The following GPHN variants were observed in gnomAD, a reference collection of about 807,000 sequenced individuals.
The protein encoded by GPHN is gephyrin.
In GPHN, 17 loss-of-function variants were observed where a neutral mutation model predicts 95.5. The observed-to-expected ratio is 0.18, with a 90% CI of 0.12 to 0.27. The LOEUF is 0.27. Among genes scored for constraint, GPHN ranks in the 10% least tolerant of loss-of-function variants. The pLI, the probability that GPHN is intolerant of heterozygous loss-of-function variation, is 1.00. For missense variants in GPHN, 660 were observed against 978.1 expected (o/e 0.67, Z 4.34); for synonymous variants, 320 against 322.5 (o/e 0.99, Z 0.08).
intron 1 of GPHN, among the ~76,000 whole-genome samples, chr14:66,605,933 C>A (rs1336584836): frequency 6.6e-6 from 1 of 152,128 alleles, no homozygotes; most frequent in Non-Finnish European, 1.5e-5. Flanking sequence ...TGAATATTTT[C>A]TCCCATTCTC....
At position 66,763,668 on chromosome 14, in the gene GPHN, T is replaced by C. The variant is rs571399504; in HGVS notation, c.144-12796T>C. ...TTGGACATTTTATATAATATTCATATTGTATTAGGTATCATGAGTAATCTA... is the reference window on the plus strand; with the variant it reads ...TTGGACATTTTATATAATATTCATACTGTATTAGGTATCATGAGTAATCTA... On this transcript the variant is annotated intron_variant, in intron 2 of 22. Coordinates refer to ENST00000478722, the MANE Select transcript of GPHN (RefSeq NM_020806.5). Among the ~76,000 whole-genome samples, 4 of 152,140 alleles carry C rather than the reference T, an allele frequency of 2.6e-5. No homozygotes were observed. In the South Asian group the frequency reaches 8.3e-4, roughly 32 times the overall value.
At chr14:66,897,563 G>C (rs532172896) in intron 5 of GPHN, among the ~76,000 whole-genome samples, 53 of 152,128 alleles carry the variant, frequency 3.5e-4, no homozygotes, top group Admixed American at 1.2e-3. Context: ...TTTCAAGAAT[G>C]AATATAATTA....
chr14:67,678,154 C>T, the GPHN span: 20 of 559,512 alleles, frequency 3.6e-5, no homozygotes, highest in African/African-American at 5.7e-5. Context: ...GACATTTAGA[C>T]GAATCTGGCA....
intron 2 of GPHN, among the ~76,000 whole-genome samples, chr14:66,689,447 C>G (rs985053542): frequency 2.6e-5 from 4 of 152,040 alleles, no homozygotes; most frequent in Admixed American, 2.6e-4. Context: ...CTGCTGGATT[C>G]TGTTTGCTAG....
the GPHN span, among the ~76,000 whole-genome samples, chr14:67,378,506 T>C: frequency 6.6e-6 from 1 of 152,184 alleles, no homozygotes; most frequent in African/African-American, 2.4e-5. Flanking sequence ...TAACAAATCA[T>C]AGAGCCAGGC....
the GPHN span, chr14:67,593,445 C>G: frequency 3.1e-6 from 1 of 321,294 alleles, no homozygotes; most frequent in Non-Finnish European, 5.8e-6. Flanking sequence ...GAGCTGTGAT[C>G]GAGCCACTGC....
chr14:66,744,691 TTGAC>T (rs1395373688), intron 2 of GPHN, among the ~76,000 whole-genome samples: 1 of 152,212 alleles, frequency 6.6e-6, no homozygotes, highest in African/African-American at 2.4e-5. Flanking sequence ...GGAATTGTGG[TTGAC>T]TGAGCATTTT....
chr14:67,726,405 T>A, the GPHN span, among the ~76,000 whole-genome samples: 3 of 152,282 alleles, frequency 2.0e-5, no homozygotes, highest in East Asian at 3.9e-4. Flanking sequence ...CATTCTTGGA[T>A]GGGGCAGTGG....
chr14:67,020,480 T>C (rs2073557232), intron 9 of GPHN, among the ~76,000 whole-genome samples: 2 of 152,162 alleles, frequency 1.3e-5, no homozygotes, highest in East Asian at 3.8e-4. Context: ...CTTACATTTA[T>C]TATGTGCTCT....
intron 8 of GPHN, among the ~76,000 whole-genome samples, chr14:66,959,868 T>C (rs1222225792): frequency 6.6e-6 from 1 of 152,076 alleles, no homozygotes; most frequent in Non-Finnish European, 1.5e-5. Context: ...CATATCTCAG[T>C]GTGTTTGATG....
chr14:66,727,998 C>A (rs2071406405), intron 2 of GPHN, among the ~76,000 whole-genome samples: 3 of 152,116 alleles, frequency 2.0e-5, no homozygotes, highest in Admixed American at 2.0e-4. Flanking sequence ...GGCCCATGGT[C>A]CCTGTATTGT....
At chr14:66,544,770 A>G (rs1485792381) in intron 1 of GPHN, among the ~76,000 whole-genome samples, 1 of 151,780 alleles carries the variant, frequency 6.6e-6, no homozygotes, top group Non-Finnish European at 1.5e-5. Flanking sequence ...GGTACTTGAG[A>G]TTAGGGAGTG....
At chr14:67,548,400 A>G in the GPHN span, among the ~76,000 whole-genome samples, 1 of 152,182 alleles carries the variant, frequency 6.6e-6, no homozygotes, top group African/African-American at 2.4e-5. Flanking sequence ...TGAGGGTATT[A>G]ATAAAAGAAG....
At chr14:67,686,653 A>G in the GPHN span, among the ~76,000 whole-genome samples, 1 of 151,370 alleles carries the variant, frequency 6.6e-6, no homozygotes, top group African/African-American at 2.4e-5. Flanking sequence ...AAAAAAAAAA[A>G]AAAAAAGTGC....
intron 18 of GPHN, among the ~76,000 whole-genome samples, chr14:67,157,593 G>C (rs891970972): frequency 6.6e-6 from 1 of 152,082 alleles, no homozygotes; most frequent in Non-Finnish European, 1.5e-5. Flanking sequence ...GGAGGCCAGG[G>C]TGGGTGGATC....
the GPHN span, chr14:67,447,593 A>C: frequency 6.8e-6 from 1 of 147,150 alleles, no homozygotes; most frequent in African/African-American, 2.4e-5. Context: ...TGGGAGGGTG[A>C]CCAGGAGAAG....
At chr14:67,289,768 C>CTTTTTTTTT in the GPHN span, among the ~76,000 whole-genome samples, 2 of 95,478 alleles carry the variant, frequency 2.1e-5, 1 homozygote, top group African/African-American at 8.3e-5. Flanking sequence ...TTTTCCATGT[C>CTTTTTTTTT]CTTTTTTTTT....
intron 1 of GPHN, among the ~76,000 whole-genome samples, chr14:66,593,246 A>C (rs1011291995): frequency 6.6e-6 from 1 of 151,958 alleles, no homozygotes; most frequent in Non-Finnish European, 1.5e-5. Flanking sequence ...GTGTATGTAT[A>C]CCTATGTAAC....
the GPHN span, among the ~76,000 whole-genome samples, chr14:67,324,712 G>A: frequency 6.6e-6 from 1 of 151,928 alleles, no homozygotes; most frequent in Non-Finnish European, 1.5e-5. Context: ...GCCTGTCCAA[G>A]TGGCTGGGAC....
Sources: gnomAD v4.1 joint callset for allele counts (sites outside exome capture counted in the v4.1 genomes callset) on GRCh38, gnomAD v4.1.1 for gene constraint, MANE v1.5 for transcripts, NCBI Gene and HGNC (gene_info 2026-07-23, HGNC 2026-07-21) for gene names.